Variants in NLRP13 observed in about 807,000 individuals in gnomAD.
The protein encoded by NLRP13 is NACHT, LRR and PYD domains-containing protein 13.
In NLRP13, 82 loss-of-function variants were observed where a neutral mutation model predicts 94.4. The ratio of observed to expected loss-of-function variants is 0.87; its 90% CI spans 0.73 to 1.04. The LOEUF is 1.04. Among genes scored for constraint, NLRP13 ranks in the 50% least tolerant of loss-of-function variants. NLRP13 has a pLI of 0.00. For synonymous variants in NLRP13, 553 were observed against 464.7 expected, an observed-to-expected ratio of 1.19 and a Z score of -2.45; for missense variants, 1,426 against 1,230.8, an observed-to-expected ratio of 1.16 and a Z score of -2.37.
chr19:55,902,163 C>A lies in NLRP13; in HGVS notation c.2661G>T (p.Leu887Phe). 1 of 1,614,034 alleles carries A rather than the reference C, an allele frequency of 6.2e-7. No homozygotes were observed. Among genetic ancestry groups the A allele is most frequent in the African/African-American group, 1.3e-5 (1 of 75,028 alleles). Residue 887 changes from leucine to phenylalanine, a missense_variant, in exon 9 of 11, where the codon TTG becomes TTT. Transcript: ENST00000342929. ...CQLAAPACKH[L>F]SDALLQNRSL... ...TCCTGTTCTGCAGGAGAGCATCTGA[C>A]AAGTGCTTGCAAGCGGGTGCTGCCA...
intron 1 of NLRP13, among the ~76,000 whole-genome samples, chr19:55,930,834 G>A (rs1352782889): frequency 8.7e-6 from 1 of 115,568 alleles, no homozygotes; most frequent in African/African-American, 4.2e-5. Flanking sequence ...ATTACATGGT[G>A]CACTAAGACC....
At chr19:55,899,466 C>G (rs1986105125) in intron 9 of NLRP13, among the ~76,000 whole-genome samples, 2 of 151,004 alleles carry the variant, frequency 1.3e-5, no homozygotes, top group Admixed American at 1.3e-4. Context: ...CATCCAAAAT[C>G]CTTAAACCCA....
chr19:55,907,105 T>C (rs1986376138), intron 7 of NLRP13, among the ~76,000 whole-genome samples: 1 of 152,088 alleles, frequency 6.6e-6, no homozygotes, highest in Non-Finnish European at 1.5e-5. Context: ...ATTACAGGCA[T>C]GTGCCACCAC....
chr19:55,913,538 G>C (rs1457106191), intron 4 of NLRP13, among the ~76,000 whole-genome samples: 2 of 42,654 alleles, frequency 4.7e-5, no homozygotes, highest in Non-Finnish European at 9.3e-5. Context: ...GACAGAGTGA[G>C]ACTCCGTCTC....
chr19:55,892,448 G>A (rs1463399709), downstream of NLRP13, among the ~76,000 whole-genome samples: 1 of 152,080 alleles, frequency 6.6e-6, no homozygotes, highest in Non-Finnish European at 1.5e-5. Context: ...TTGAGACGCA[G>A]TGTCACTTTG....
chr19:55,913,401 CT>C, intron 4 of NLRP13, 108 bp from the exon 5 acceptor site: 2 of 1,267,350 alleles, frequency 1.6e-6, no homozygotes, highest in South Asian at 3.0e-5. Flanking sequence ...GAAACTCTGC[CT>C]TCCAGGATTT....
Position 55,932,002 on chromosome 19 carries a change from C to A in NLRP13, c.310G>T (p.Glu104Ter), listed in dbSNP as rs143540482. ...LTSLCEKVRA[E>*]MKENVQTQEL... is the part of the protein sequence containing the mutation. ...TCTTGAGGACTCTCACCTTTCATCTCGGCTCTAACTTTCTCACACAGTGAG... is the reference window on the plus strand; with the variant it reads ...TCTTGAGGACTCTCACCTTTCATCTAGGCTCTAACTTTCTCACACAGTGAG... Residue 104 changes from glutamate (E) to a stop codon, truncating the protein, a stop_gained, in exon 1 of 11, where the codon GAG becomes TAG. Coordinates refer to ENST00000342929, the MANE Select transcript of NLRP13 (RefSeq NM_176810.2). LOFTEE classifies it high-confidence loss of function. 3 of 1,613,128 alleles carry A rather than the reference C, an allele frequency of 1.9e-6. No homozygotes were observed. The highest frequency in any genetic ancestry group is 2.5e-6 in the Non-Finnish European group (3 of 1,179,996).
At chr19:55,902,949 C>CTT (rs10692269) in intron 8 of NLRP13, among the ~76,000 whole-genome samples, 131,473 of 149,376 alleles carry the variant, frequency 0.88, 57,983 homozygotes, top group East Asian at 0.96. Context: ...TAAATTATAA[C>CTT]AACTAATTGT....
chr19:55,925,138 G>C, intron 1 of NLRP13, 103 bp from the exon 2 acceptor site: 4 of 1,002,766 alleles, frequency 4.0e-6, no homozygotes, highest in Non-Finnish European at 6.2e-6. Flanking sequence ...TGACAAACTG[G>C]AGTTTGAAGG....
At chr19:55,911,625 C>T in intron 5 of NLRP13, 81 bp downstream of exon 5, 1 of 1,306,452 alleles carries the variant, frequency 7.7e-7, no homozygotes, top group Non-Finnish European at 1.1e-6. Flanking sequence ...GACAACACAT[C>T]CCTGGTTTTG....
intron 1 of NLRP13, among the ~76,000 whole-genome samples, chr19:55,925,626 C>T (rs925195495): frequency 1.2e-4 from 18 of 152,164 alleles, no homozygotes; most frequent in African/African-American, 4.3e-4. Context: ...CCTCAATTTG[C>T]TGCACATCAC....
Position 55,924,573 on chromosome 19 carries a change from C to A in NLRP13, c.457+17G>T, listed in dbSNP as rs1219341589. The stretch of plus-strand genomic sequence containing the variant: ...CATCAAGCAACCTGTCAATTATCAA[C>A]CAAGTAATGTACACACCTGTTTCTT... On this transcript the variant is annotated intron_variant, in intron 3 of 10. Coordinates refer to ENST00000342929, the MANE Select transcript of NLRP13 (RefSeq NM_176810.2). 6.3e-7 allele frequency: 1 copy of A among 1,597,768 alleles called. No homozygotes were observed. The highest frequency in any genetic ancestry group is 8.6e-7 in the Non-Finnish European group (1 of 1,165,620).
rs1489171935 is a variant in NLRP13 at position 55,913,204 on chromosome 19, G to A, written c.613C>T (p.Arg205Cys). 1.2e-5 allele frequency: 19 copies of A among 1,613,924 alleles called. No homozygotes were observed. The Admixed American group carries it at 1.5e-4, about 13-fold the overall frequency. The change falls in exon 5 of 11, where the codon CGT becomes TGT. Residue 205 changes from arginine to cysteine, a missense_variant. By Grantham distance (180) the Arg-to-Cys change is radical. Transcript: ENST00000342929. ...ISWPKDHVYI[R>C]NTSKDEHEEL... ...TCATGTTCGTCCTTTGATGTATTAC[G>A]GATATATACGTGGTCTTTAGGCCAA... is the stretch of plus-strand genomic sequence containing the variant.
In NLRP13 at chr19:55,925,020, T is replaced by C; in HGVS notation, c.335A>G (p.Gln112Arg). Residue 112 changes from glutamine (Q) to arginine (R), a missense_variant, in exon 2 of 11, where the codon CAA (glutamine) becomes CGA (arginine). Gln to Arg is a conservative substitution (Grantham distance 43). Coordinates refer to ENST00000342929, the MANE Select transcript of NLRP13 (RefSeq NM_176810.2). ...TTCCTGGGTTGGATCTTGCAGCTCTTGGGTCTGCACATTCTCTGAAACAAA... is the reference window on the plus strand; with the variant it reads ...TTCCTGGGTTGGATCTTGCAGCTCTCGGGTCTGCACATTCTCTGAAACAAA... ...RAEMKENVQT[Q>R]ELQDPTQEDL... The C allele has an allele frequency of 6.2e-7, 1 of 1,614,050 alleles. No individual in the cohort carries two copies. The highest frequency in any genetic ancestry group is 8.5e-7 in the Non-Finnish European group (1 of 1,179,954).
At chr19:55,919,028 C>T (rs1017213856) in intron 4 of NLRP13, among the ~76,000 whole-genome samples, 1 of 152,038 alleles carries the variant, frequency 6.6e-6, no homozygotes, top group African/African-American at 2.4e-5. Flanking sequence ...ACACCATGAC[C>T]AAGTGGGTTT....
intron 9 of NLRP13, among the ~76,000 whole-genome samples, chr19:55,900,861 G>A (rs1298400608): frequency 2.6e-5 from 4 of 151,932 alleles, no homozygotes. Context: ...TAGATGAAAG[G>A]AGATAGGCCA....
At chr19:55,924,755 C>G in intron 2 of NLRP13, 97 bp from the exon 3 acceptor site, 1 of 1,071,708 alleles carries the variant, frequency 9.3e-7, no homozygotes. Flanking sequence ...TTTTCTATGG[C>G]AAACGGGATT....
At chr19:55,915,569 G>A (rs1452173344) in intron 4 of NLRP13, among the ~76,000 whole-genome samples, 1 of 152,206 alleles carries the variant, frequency 6.6e-6, no homozygotes, top group Non-Finnish European at 1.5e-5. Flanking sequence ...CTGTACTCCA[G>A]CCTGGGCAAC....
intron 1 of NLRP13, among the ~76,000 whole-genome samples, chr19:55,928,078 T>C (rs1415711410): frequency 6.6e-6 from 1 of 152,170 alleles, no homozygotes; most frequent in African/African-American, 2.4e-5. Flanking sequence ...TATCGTCCCC[T>C]GCATGGCTGG....
Sources: allele counts gnomAD v4.1 joint callset (sites outside exome capture counted in the v4.1 genomes callset), GRCh38; gene constraint gnomAD v4.1.1; transcripts MANE v1.5; gene names NCBI Gene and HGNC (gene_info 2026-07-23, HGNC 2026-07-21).